The following GLI3 variants were observed in gnomAD, a reference collection of about 807,000 sequenced individuals.
GLI3 encodes GLI family zinc finger 3.
GLI3 carries 20 observed loss-of-function variants against 100.8 expected under a neutral mutation model. The observed-to-expected ratio is 0.20, with a 90% CI of 0.14 to 0.29. The LOEUF is 0.29. GLI3 is among the 10% of genes least tolerant of loss of function. GLI3 has a pLI of 1.00. For missense variants in GLI3, 2,040 were observed against 2,128.5 expected (o/e 0.96, Z 0.82); for synonymous variants, 938 against 860.5 (o/e 1.09, Z -1.58).
At chr7:42,082,943 G>A (rs1291613119) in intron 3 of GLI3, among the ~76,000 whole-genome samples, 1 of 151,972 alleles carries the variant, frequency 6.6e-6, no homozygotes, top group African/African-American at 2.4e-5. Context: ...ACATATTTAT[G>A]GGTCACATGA....
At chr7:42,079,252 A>G (rs781333316) in intron 3 of GLI3, among the ~76,000 whole-genome samples, 2 of 152,158 alleles carry the variant, frequency 1.3e-5, no homozygotes, top group Non-Finnish European at 2.9e-5. Flanking sequence ...GTTAAAAGCC[A>G]CCCTCTGTAG....
At chr7:41,985,394 G>A (rs1190794482) in intron 10 of GLI3, among the ~76,000 whole-genome samples, 14 of 152,148 alleles carry the variant, frequency 9.2e-5, no homozygotes, top group African/African-American at 3.4e-4. Context: ...TATTAAGAAA[G>A]TCTTCTACTT....
At chr7:42,085,287 G>C (rs1785080436) in intron 3 of GLI3, among the ~76,000 whole-genome samples, 1 of 152,128 alleles carries the variant, frequency 6.6e-6, no homozygotes. Context: ...ACAAAGGGGA[G>C]GTTTGGAAGT....
Position 42,025,302 on chromosome 7 carries a change from C to T in GLI3, c.1318G>A (p.Asp440Asn), listed in dbSNP as rs145479568. The T allele has an allele frequency of 6.2e-6, 10 of 1,613,934 alleles. No homozygotes were observed. Among genetic ancestry groups the T allele is most frequent in the African/African-American group, 1.3e-5 (1 of 74,942 alleles). Residue 440 changes from aspartate (D) to asparagine (N), a missense_variant, in exon 9 of 15, where the codon GAT becomes AAT. This residue lies in a region of GLI3 where 603 missense variants were observed against 690.9 expected (regional missense o/e 0.87). Transcript: ENST00000395925. ...MHNKRSKIKP[D>N]EDLPSPGARG... ...GCCCCTGGGCTGGGGAGGTCTTCAT[C>T]GGGTTTGATCTTGGACCTCTTGTTG...
At chr7:42,142,672 C>T (rs1311077623) in intron 3 of GLI3, among the ~76,000 whole-genome samples, 1 of 151,920 alleles carries the variant, frequency 6.6e-6, no homozygotes, top group African/African-American at 2.4e-5. Flanking sequence ...AAGAATTATC[C>T]CTAAATCTGT....
At chr7:41,997,613 T>C (rs1172234526) in intron 10 of GLI3, among the ~76,000 whole-genome samples, 1 of 152,238 alleles carries the variant, frequency 6.6e-6, no homozygotes, top group Non-Finnish European at 1.5e-5. Context: ...GTGTGTGTCC[T>C]AATTCTCCTG....
chr7:42,110,776 T>C (rs1418009665), intron 3 of GLI3, among the ~76,000 whole-genome samples: 1 of 152,212 alleles, frequency 6.6e-6, no homozygotes, highest in Non-Finnish European at 1.5e-5. Context: ...GAATAAATAA[T>C]GGAACCGACA....
At chr7:42,164,806 G>C (rs1033497613) in intron 2 of GLI3, among the ~76,000 whole-genome samples, 1 of 151,630 alleles carries the variant, frequency 6.6e-6, no homozygotes, top group Admixed American at 6.6e-5. Flanking sequence ...CTCCAGCCTG[G>C]GCAACAGAGC....
rs77263629 is a variant in GLI3 at position 42,126,855 on chromosome 7, G to C, written c.367+21371C>G. 8.2e-3 allele frequency among the ~76,000 whole-genome samples: 1,243 copies of C among 152,224 alleles called. 17 individuals carry two copies. The highest frequency in any genetic ancestry group is 0.028 in the African/African-American group (1,174 of 41,538). The stretch of plus-strand genomic sequence containing the variant: ...TTCCAAAACCCACTTATTAGAAGAG[G>C]GTCAGCCTAAAGGGCTGGGAAGCTG... On this transcript the variant is annotated intron_variant, in intron 3 of 14. Transcript: ENST00000395925.
chr7:42,235,043 C>A (rs1405993432), intron 1 of GLI3, among the ~76,000 whole-genome samples: 1 of 152,172 alleles, frequency 6.6e-6, no homozygotes, highest in African/African-American at 2.4e-5. Flanking sequence ...CCAGTCCCGG[C>A]AGCTTTAATA....
chr7:42,124,934 G>T (rs989248587), intron 3 of GLI3, among the ~76,000 whole-genome samples: 1 of 152,142 alleles, frequency 6.6e-6, no homozygotes, highest in Non-Finnish European at 1.5e-5. Context: ...AAGATGAAGT[G>T]TTCCAGGTAG....
intron 1 of GLI3, among the ~76,000 whole-genome samples, chr7:42,261,579 G>A (rs2128711958): frequency 6.6e-6 from 1 of 152,198 alleles, no homozygotes; most frequent in South Asian, 2.1e-4. Flanking sequence ...AGTAAACAAG[G>A]AAAGATTTCA....
At chr7:41,987,937 A>T (rs1489636475) in intron 10 of GLI3, among the ~76,000 whole-genome samples, 2 of 152,246 alleles carry the variant, frequency 1.3e-5, no homozygotes, top group Non-Finnish European at 2.9e-5. Context: ...AAATAGAATC[A>T]CAGTAGTGAC....
At position 42,220,056 on chromosome 7, in the gene GLI3, G is replaced by A. The variant is rs367700787; in HGVS notation, c.124+3074C>T. Among the ~76,000 whole-genome samples, 26 of 152,108 alleles carry A rather than the reference G, an allele frequency of 1.7e-4. No individual in the cohort carries two copies. The East Asian group carries it at 2.1e-3, about 12-fold the overall frequency. On this transcript the variant is annotated intron_variant, in intron 2 of 14. Coordinates refer to ENST00000395925, the MANE Select transcript of GLI3 (RefSeq NM_000168.6). ...TTTAGTAGAGACGGGGTTTCACCGC[G>A]TTAGCCAGGATGGTCTCGATCTCCT...
intron 10 of GLI3, among the ~76,000 whole-genome samples, chr7:42,001,234 C>T (rs141484148): frequency 6.1e-5 from 4 of 65,654 alleles, no homozygotes; most frequent in African/African-American, 4.4e-4. Context: ...GAGACTATGT[C>T]TCAAAAAAAA....
intron 2 of GLI3, among the ~76,000 whole-genome samples, chr7:42,221,142 T>C (rs1788478458): frequency 6.6e-6 from 1 of 152,196 alleles, no homozygotes; most frequent in Admixed American, 6.5e-5. Context: ...TCTCGTGGCT[T>C]TCTGGTTGTT....
intron 1 of GLI3, among the ~76,000 whole-genome samples, chr7:42,228,728 G>A (rs1583663541): frequency 6.6e-6 from 1 of 152,122 alleles, no homozygotes; most frequent in Non-Finnish European, 1.5e-5. Context: ...TGTGTGCTTC[G>A]CTCACAAAAC....
chr7:42,046,568 T>TCAAA (rs941077501), intron 5 of GLI3, among the ~76,000 whole-genome samples: 1 of 152,168 alleles, frequency 6.6e-6, no homozygotes, highest in African/African-American at 2.4e-5. Context: ...AATGAACCAG[T>TCAAA]CAAAGAATGT....
At chr7:42,160,555 T>C (rs1397434290) in intron 2 of GLI3, among the ~76,000 whole-genome samples, 2 of 152,230 alleles carry the variant, frequency 1.3e-5, no homozygotes, top group African/African-American at 4.8e-5. Context: ...AGTTTTCTAC[T>C]TGTGGCATCA....
Sources: gnomAD v4.1 joint callset for allele counts (sites outside exome capture counted in the v4.1 genomes callset) on GRCh38, gnomAD v4.1.1 for gene constraint, gnomAD v4.1.1 regional missense constraint, MANE v1.5 for transcripts, NCBI Gene and HGNC (gene_info 2026-07-23, HGNC 2026-07-21) for gene names.